Variants in RAB38 observed in about 807,000 individuals in gnomAD.
The protein encoded by RAB38 is ras-related protein Rab-38.
In RAB38, 15 loss-of-function variants were observed where a neutral mutation model predicts 18.4. The observed-to-expected ratio is 0.82, with a 90% CI of 0.55 to 1.26. The LOEUF is 1.26. RAB38 is among the 50% of genes most tolerant of loss of function. The pLI is 0.00. For missense variants in RAB38, 294 were observed against 267.4 expected (o/e 1.10, Z -0.69); for synonymous variants, 101 against 104.4 (o/e 0.97, Z 0.20).
At chr11:87,955,806 C>T in the RAB38 span, among the ~76,000 whole-genome samples, 87 of 151,932 alleles carry the variant, frequency 5.7e-4, no homozygotes. Context: ...CGTTTTCACA[C>T]TGTGGGGTCA....
the RAB38 span, among the ~76,000 whole-genome samples, chr11:87,909,306 A>G: frequency 1.4e-5 from 2 of 142,740 alleles, no homozygotes; most frequent in African/African-American, 5.0e-5. Context: ...GCGTGGTTAT[A>G]TGCCCTTCCT....
At chr11:87,805,604 TACAC>T in the RAB38 span, among the ~76,000 whole-genome samples, 14 of 145,406 alleles carry the variant, frequency 9.6e-5, no homozygotes, top group South Asian at 2.2e-4. Context: ...GAGAAAACAC[TACAC>T]ACACACACAC....
chr11:87,920,727 C>A, the RAB38 span, among the ~76,000 whole-genome samples: 32 of 152,144 alleles, frequency 2.1e-4, no homozygotes, highest in African/African-American at 7.7e-4. Context: ...CATTACTGAA[C>A]ATGGGGTATT....
the RAB38 span, among the ~76,000 whole-genome samples, chr11:87,844,658 T>C: frequency 4.6e-5 from 7 of 152,186 alleles, no homozygotes; most frequent in Non-Finnish European, 7.3e-5. Flanking sequence ...GCCACTCTTG[T>C]CAATGAGCCT....
At chr11:88,033,927 A>G in the RAB38 span, among the ~76,000 whole-genome samples, 1 of 151,626 alleles carries the variant, frequency 6.6e-6, no homozygotes, top group African/African-American at 2.4e-5. Flanking sequence ...CAGAGTTTCA[A>G]CGTGTTAGCC....
the RAB38 span, among the ~76,000 whole-genome samples, chr11:87,887,866 C>T: frequency 2.0e-5 from 3 of 151,788 alleles, no homozygotes; most frequent in Non-Finnish European, 4.4e-5. Flanking sequence ...AATGTAATAA[C>T]AATATAAGAA....
the RAB38 span, among the ~76,000 whole-genome samples, chr11:87,867,809 C>T: frequency 6.6e-6 from 1 of 151,566 alleles, no homozygotes; most frequent in Non-Finnish European, 1.5e-5. Flanking sequence ...GAAATTTTTA[C>T]GTTTATACCA....
intron 1 of RAB38, among the ~76,000 whole-genome samples, chr11:88,159,917 T>A (rs1943170221): frequency 1.3e-5 from 2 of 151,914 alleles, no homozygotes; most frequent in East Asian, 3.9e-4. Context: ...ACATCAGCCT[T>A]GGGAAATAAT....
chr11:88,136,776 A>G (rs1591163886), intron 2 of RAB38, among the ~76,000 whole-genome samples: 1 of 152,342 alleles, frequency 6.6e-6, no homozygotes, highest in Admixed American at 6.5e-5. Flanking sequence ...TCAAAATCCA[A>G]GAAGCTCAAC....
At chr11:88,029,107 G>C in the RAB38 span, among the ~76,000 whole-genome samples, 1 of 151,868 alleles carries the variant, frequency 6.6e-6, no homozygotes, top group Non-Finnish European at 1.5e-5. Flanking sequence ...TTTCAACCCA[G>C]AATTTCATAT....
chr11:88,093,725 A>G, the RAB38 span, among the ~76,000 whole-genome samples: 53,559 of 151,686 alleles, frequency 0.35, 10,380 homozygotes, highest in Non-Finnish European at 0.43. Context: ...ACTTACAGTA[A>G]AAAGCACACC....
At chr11:87,961,754 C>CTTCAAAT in the RAB38 span, among the ~76,000 whole-genome samples, 1 of 152,128 alleles carries the variant, frequency 6.6e-6, no homozygotes, top group East Asian at 1.9e-4. Context: ...GTTGGGTAGC[C>CTTCAAAT]ACAGACCAAA....
the RAB38 span, among the ~76,000 whole-genome samples, chr11:88,042,114 C>T: frequency 6.6e-6 from 1 of 152,114 alleles, no homozygotes; most frequent in African/African-American, 2.4e-5. Flanking sequence ...TCAAAATCTA[C>T]TGTAAACTCA....
the RAB38 span, among the ~76,000 whole-genome samples, chr11:87,855,030 C>T: frequency 0.049 from 7,518 of 152,078 alleles, 241 homozygotes; most frequent in African/African-American, 0.096. Context: ...CTCCTGACGT[C>T]GTGATCCACG....
the RAB38 span, among the ~76,000 whole-genome samples, chr11:87,897,800 A>G: frequency 2.0e-5 from 3 of 151,570 alleles, no homozygotes. Flanking sequence ...CTCCAGGATA[A>G]AATAGCTTTT....
intron 2 of RAB38, among the ~76,000 whole-genome samples, chr11:88,120,278 G>A (rs887012307): frequency 6.6e-6 from 1 of 152,180 alleles, no homozygotes; most frequent in Non-Finnish European, 1.5e-5. Flanking sequence ...TGTGTGCAAG[G>A]TCTCAGGGAT....
At chr11:87,931,028 G>A in the RAB38 span, among the ~76,000 whole-genome samples, 23 of 152,116 alleles carry the variant, frequency 1.5e-4, no homozygotes, top group African/African-American at 5.6e-4. Context: ...TTTTGGCTTA[G>A]GATTGACTTG....
the RAB38 span, among the ~76,000 whole-genome samples, chr11:88,008,076 G>A: frequency 7.4e-4 from 113 of 152,230 alleles, no homozygotes; most frequent in African/African-American, 2.6e-3. Flanking sequence ...TGGGCAGGAA[G>A]AATGACTGGC....
At chr11:87,896,080 C>T in the RAB38 span, among the ~76,000 whole-genome samples, 1 of 151,638 alleles carries the variant, frequency 6.6e-6, no homozygotes, top group East Asian at 2.0e-4. Flanking sequence ...GTACCAGGTA[C>T]TGATGAAGAT....
Sources: allele counts gnomAD v4.1 joint callset (sites outside exome capture counted in the v4.1 genomes callset), GRCh38; gene constraint gnomAD v4.1.1; transcripts MANE v1.5; gene names NCBI Gene and HGNC (gene_info 2026-07-23, HGNC 2026-07-21).